Variants in SLC35F1 observed in about 807,000 individuals in gnomAD.
The protein encoded by SLC35F1 is chromosome 6 open reading frame 169.
Under a neutral mutation model 48.7 loss-of-function variants are expected in SLC35F1, and 14 were observed. The ratio of observed to expected loss-of-function variants is 0.29; its 90% CI spans 0.19 to 0.45. The LOEUF (loss-of-function observed/expected upper bound fraction) is 0.45, where lower values mean the gene tolerates loss of function less well. SLC35F1 is among the 20% of genes least tolerant of loss of function. The pLI is 1.00. For missense variants in SLC35F1, 404 were observed against 500.0 expected (o/e 0.81, Z 1.83); for synonymous variants, 190 against 202.2 (o/e 0.94, Z 0.51).
chr6:118,079,822 G>A (rs1370091522), intron 1 of SLC35F1, among the ~76,000 whole-genome samples: 1 of 152,156 alleles, frequency 6.6e-6, no homozygotes, highest in Non-Finnish European at 1.5e-5. Context: ...AGAGGGATGA[G>A]CTGAGACACC....
chr6:118,173,286 A>C (rs537416559), intron 2 of SLC35F1, among the ~76,000 whole-genome samples: 137 of 152,176 alleles, frequency 9.0e-4, no homozygotes, highest in Middle Eastern at 6.8e-3. Context: ...TAAATGTACA[A>C]AACTCCAGAA....
chr6:118,167,822 C>G lies in SLC35F1; in HGVS notation c.349+13202C>G, dbSNP rs202132160. Among the ~76,000 whole-genome samples the G allele has an allele frequency of 5.3e-5, 8 of 152,118 alleles. No homozygotes were observed. In the East Asian group the frequency reaches 1.3e-3, roughly 26 times the overall value. ...ACATCACTAGGCAGTAGGAATTTCT[C>G]AGCTCCACTAACATTTTGTAGGACC... On this transcript the variant is annotated intron_variant, in intron 2 of 7. Coordinates refer to ENST00000360388, the MANE Select transcript of SLC35F1 (RefSeq NM_001029858.4).
chr6:118,067,389 T>C (rs1772631190), intron 1 of SLC35F1, among the ~76,000 whole-genome samples: 1 of 152,114 alleles, frequency 6.6e-6, no homozygotes, highest in Non-Finnish European at 1.5e-5. Flanking sequence ...GGTTGAAACA[T>C]GACTTGAGAG....
At chr6:118,159,137 C>T (rs868214952) in intron 2 of SLC35F1, among the ~76,000 whole-genome samples, 20 of 136,880 alleles carry the variant, frequency 1.5e-4, no homozygotes, top group African/African-American at 5.4e-4. Flanking sequence ...AGGAGATTGG[C>T]GTGAACCTGG....
At chr6:118,308,178 G>T (rs1776334371) in intron 7 of SLC35F1, among the ~76,000 whole-genome samples, 1 of 152,190 alleles carries the variant, frequency 6.6e-6, no homozygotes. Flanking sequence ...TGGTACCCAG[G>T]ACTGCCAAAC....
At chr6:118,138,307 CA>C (rs56094377) in intron 1 of SLC35F1, among the ~76,000 whole-genome samples, 44,104 of 127,750 alleles carry the variant, frequency 0.35, 7,845 homozygotes, top group Non-Finnish European at 0.46. Context: ...ACTCCCACCT[CA>C]AAAAAAAAAA....
At chr6:118,203,410 A>G (rs760232124) in intron 2 of SLC35F1, among the ~76,000 whole-genome samples, 5 of 152,230 alleles carry the variant, frequency 3.3e-5, no homozygotes, top group African/African-American at 4.8e-5. Flanking sequence ...TCAAAGCAGG[A>G]TGTTACAATC....
intron 1 of SLC35F1, among the ~76,000 whole-genome samples, chr6:118,042,020 T>A (rs747192220): frequency 5.3e-5 from 8 of 152,196 alleles, no homozygotes; most frequent in Non-Finnish European, 1.2e-4. Flanking sequence ...GGACACTCTC[T>A]GCCTCATTTC....
chr6:118,124,213 T>G (rs1346824562), intron 1 of SLC35F1, among the ~76,000 whole-genome samples: 1 of 152,164 alleles, frequency 6.6e-6, no homozygotes, highest in Non-Finnish European at 1.5e-5. Flanking sequence ...TCATGTAACT[T>G]CTCTGAATTT....
intron 1 of SLC35F1, among the ~76,000 whole-genome samples, chr6:117,938,996 T>A (rs1776195111): frequency 6.8e-6 from 1 of 146,754 alleles, no homozygotes. Context: ...TGTATGTGCT[T>A]GAATTCTTGT....
intron 2 of SLC35F1, among the ~76,000 whole-genome samples, chr6:118,183,346 C>A (rs1774609673): frequency 6.6e-6 from 1 of 151,956 alleles, no homozygotes; most frequent in African/African-American, 2.4e-5. Flanking sequence ...AGTTTCAGAA[C>A]CACATTTTTC....
intron 1 of SLC35F1, among the ~76,000 whole-genome samples, chr6:118,095,854 G>A (rs1191508999): frequency 4.6e-5 from 7 of 152,142 alleles, no homozygotes; most frequent in Admixed American, 3.9e-4. Flanking sequence ...CAGGAGTGGT[G>A]GAAGGTAGTT....
intron 2 of SLC35F1, among the ~76,000 whole-genome samples, chr6:118,172,554 G>A (rs1400996598): frequency 1.3e-5 from 2 of 152,148 alleles, no homozygotes; most frequent in Admixed American, 6.6e-5. Flanking sequence ...GATAACTGCT[G>A]TGTGAATCAA....
intron 1 of SLC35F1, among the ~76,000 whole-genome samples, chr6:118,108,429 T>C (rs1213614476): frequency 6.6e-6 from 1 of 151,978 alleles, no homozygotes; most frequent in Non-Finnish European, 1.5e-5. Context: ...TATCATTGCT[T>C]TAGGCCCTGG....
chr6:118,169,554 G>A (rs938623258), intron 2 of SLC35F1, among the ~76,000 whole-genome samples: 3 of 151,968 alleles, frequency 2.0e-5, no homozygotes, highest in South Asian at 2.1e-4. Flanking sequence ...TTACAGATGC[G>A]CTCTCTCGAT....
chr6:117,943,633 G>C (rs1415468101), intron 1 of SLC35F1, among the ~76,000 whole-genome samples: 1 of 152,120 alleles, frequency 6.6e-6, no homozygotes, highest in Non-Finnish European at 1.5e-5. Flanking sequence ...AAAAGAGTTG[G>C]CTCTATTTGA....
chr6:118,251,785 G>A (rs1457430276), intron 3 of SLC35F1, among the ~76,000 whole-genome samples: 1 of 151,968 alleles, frequency 6.6e-6, no homozygotes, highest in Non-Finnish European at 1.5e-5. Flanking sequence ...ATTTGTTCAG[G>A]GCTCAGCAAA....
intron 1 of SLC35F1, among the ~76,000 whole-genome samples, chr6:118,069,529 G>A (rs1446571604): frequency 2.0e-5 from 3 of 152,028 alleles, no homozygotes; most frequent in African/African-American, 7.2e-5. Flanking sequence ...TCCCTAGGCT[G>A]GTAAGAGTTA....
At chr6:117,916,354 A>G (rs1431590204) in intron 1 of SLC35F1, among the ~76,000 whole-genome samples, 1 of 152,100 alleles carries the variant, frequency 6.6e-6, no homozygotes, top group Non-Finnish European at 1.5e-5. Flanking sequence ...AAAAACGGGT[A>G]TTTTATGACA....
Sources: allele counts gnomAD v4.1 joint callset (sites outside exome capture counted in the v4.1 genomes callset), GRCh38; gene constraint gnomAD v4.1.1; transcripts MANE v1.5; gene names NCBI Gene and HGNC (gene_info 2026-07-23, HGNC 2026-07-21).